TCP11L1: variants seen among roughly 807,000 people sequenced by gnomAD.
TCP11L1 encodes t-complex 11 like 1, also known as T-complex protein 11-like protein 1.
TCP11L1 carries 28 observed loss-of-function variants against 48.9 expected under a neutral mutation model. The ratio of observed to expected loss-of-function variants is 0.57; its 90% CI spans 0.42 to 0.78. The LOEUF (loss-of-function observed/expected upper bound fraction) is 0.78. Ranked by LOEUF, TCP11L1 falls within the 30% of genes least tolerant of loss-of-function variation. The pLI, the probability that TCP11L1 is intolerant of heterozygous loss-of-function variation, is 0.00. For missense variants in TCP11L1, 505 were observed against 613.4 expected, an observed-to-expected ratio of 0.82 and a Z score of 1.87; for synonymous variants, 204 against 231.9, an observed-to-expected ratio of 0.88 and a Z score of 1.09.
At chr11:33,042,519 C>T (rs771578027) in intron 1 of TCP11L1, among the ~76,000 whole-genome samples, 2 of 152,108 alleles carry the variant, frequency 1.3e-5, no homozygotes, top group Non-Finnish European at 2.9e-5. Flanking sequence ...TAATAAAAAG[C>T]CCACCCAACT....
chr11:33,065,336 T>C (rs1429982210), intron 7 of TCP11L1, among the ~76,000 whole-genome samples: 4 of 152,092 alleles, frequency 2.6e-5, no homozygotes, highest in African/African-American at 9.7e-5. Context: ...CAATCTCAGC[T>C]CACTGCAACC....
chr11:33,069,529 C>T (rs1442014786), intron 9 of TCP11L1, among the ~76,000 whole-genome samples: 1 of 152,004 alleles, frequency 6.6e-6, no homozygotes, highest in Non-Finnish European at 1.5e-5. Context: ...TTAATTAGCT[C>T]GACTTAATCA....
chr11:33,060,214 G>A (rs539211529), intron 6 of TCP11L1, among the ~76,000 whole-genome samples: 1 of 152,176 alleles, frequency 6.6e-6, no homozygotes, highest in African/African-American at 2.4e-5. Context: ...GAGTTTTGTA[G>A]CCTGAAGAGC....
At chr11:33,068,892 G>A in intron 9 of TCP11L1, 33 bp downstream of exon 9, 1 of 1,598,368 alleles carries the variant, frequency 6.3e-7, no homozygotes, top group Non-Finnish European at 8.6e-7. Context: ...GCAGGGATGT[G>A]CCCTCTGAGG....
At chr11:33,056,338 T>C (rs1449055868) in intron 3 of TCP11L1, among the ~76,000 whole-genome samples, 3 of 152,176 alleles carry the variant, frequency 2.0e-5, no homozygotes, top group Non-Finnish European at 4.4e-5. Context: ...CTTGAACTCC[T>C]GACCTCAGGT....
intron 2 of TCP11L1, among the ~76,000 whole-genome samples, chr11:33,045,747 T>G (rs1387383683): frequency 6.6e-6 from 1 of 151,828 alleles, no homozygotes; most frequent in Non-Finnish European, 1.5e-5. Context: ...AGTTTAAGAG[T>G]GCATAAAGTG....
chr11:33,043,707 T>A (rs897311463), intron 1 of TCP11L1, 43 bp from the exon 2 acceptor site: 1 of 1,521,664 alleles, frequency 6.6e-7, no homozygotes, highest in Non-Finnish European at 8.8e-7. Context: ...GTGACAGAGC[T>A]AGAATACTTT....
At chr11:33,070,016 A>C (rs1590244917) in intron 9 of TCP11L1, among the ~76,000 whole-genome samples, 1 of 152,230 alleles carries the variant, frequency 6.6e-6, no homozygotes, top group East Asian at 1.9e-4. Flanking sequence ...TGTAATAGCC[A>C]GTTACCGACA....
chr11:33,067,097 G>A (rs768410128), intron 8 of TCP11L1, among the ~76,000 whole-genome samples: 11 of 152,178 alleles, frequency 7.2e-5, no homozygotes, highest in Non-Finnish European at 1.3e-4. Context: ...GCATGTATGT[G>A]GTTGAAGTGT....
In TCP11L1 at chr11:33,058,081, G is replaced by C; in HGVS notation, c.580G>C (p.Ala194Pro). 6.2e-7 allele frequency: 1 copy of C among 1,614,134 alleles called. No homozygotes were observed. The highest frequency in any genetic ancestry group is 8.5e-7 in the Non-Finnish European group (1 of 1,180,038). The change falls in exon 5 of 10, where the codon GCT becomes CCT. Residue 194 changes from alanine (A) to proline (P), a missense_variant. Around this residue, in one of 3 missense-constraint regions of TCP11L1, gnomAD observed 335 missense variants for 413.3 expected, o/e 0.81. Coordinates refer to ENST00000334274, the MANE Select transcript of TCP11L1 (RefSeq NM_018393.4). ...CATGATGGGGACACTGTGTGCACCT[G>C]CTCGAGATGAGGAAGTTAAGAAACT... is the stretch of plus-strand genomic sequence containing the variant. ...IGMMGTLCAPARDEEVKKLKD... is the reference protein window; with the variant it reads ...IGMMGTLCAPPRDEEVKKLKD...
intron 6 of TCP11L1, 53 bp from the exon 7 acceptor site, chr11:33,061,477 A>G: frequency 1.3e-6 from 2 of 1,497,138 alleles, no homozygotes; most frequent in African/African-American, 1.4e-5. Flanking sequence ...AGTAATTCCG[A>G]GAAGCATCCC....
intron 3 of TCP11L1, among the ~76,000 whole-genome samples, chr11:33,054,928 G>T (rs1315329666): frequency 6.6e-6 from 1 of 152,234 alleles, no homozygotes; most frequent in Non-Finnish European, 1.5e-5. Context: ...CTACTCAGTA[G>T]GATCTAGCTG....
intron 2 of TCP11L1, among the ~76,000 whole-genome samples, chr11:33,048,196 T>TTTC: frequency 6.6e-6 from 1 of 151,944 alleles, no homozygotes. Context: ...TTTTTTTTTT[T>TTTC]AAGACCGGAT....
Position 33,072,769 on chromosome 11 carries a change from CAT to C in TCP11L1, c.*94_*95del. ...TGCATTGGAAAATGGCTATATAGTA[CAT>C]GTCTATTTAACAGCACCGATTCCAA... On this transcript the variant is annotated 3_prime_UTR_variant, in exon 10 of 10. Coordinates refer to ENST00000334274, the MANE Select transcript of TCP11L1 (RefSeq NM_018393.4). 8 of 1,390,130 alleles carry C rather than the reference CAT, an allele frequency of 5.8e-6. No homozygotes were observed. Among genetic ancestry groups the C allele is most frequent in the Non-Finnish European group, 8.1e-6 (8 of 990,204 alleles). 86.1% of individuals were successfully genotyped at this position (1,390,130 alleles called of 1,614,324 possible).
chr11:33,056,326 G>T (rs1334812670), intron 3 of TCP11L1, among the ~76,000 whole-genome samples: 1 of 152,106 alleles, frequency 6.6e-6, no homozygotes, highest in African/African-American at 2.4e-5. Flanking sequence ...GGCCAGGCTG[G>T]TCTTGAACTC....
In TCP11L1 at chr11:33,045,997, A is replaced by G. The variant is rs905654060; in HGVS notation, c.163+2061A>G. ...TTCTAGTTTAAGATACAATAGATCT[A>G]TGAGCCTAGGAGTGCTAGAAGCAAG... is the stretch of plus-strand genomic sequence containing the variant. On this transcript the variant is annotated intron_variant, in intron 2 of 9. Transcript: ENST00000334274. 9.8e-5 allele frequency among the ~76,000 whole-genome samples: 15 copies of G among 152,286 alleles called. No individual in the cohort carries two copies. In the East Asian group the frequency reaches 2.1e-3, roughly 21 times the overall value.
chr11:33,053,825 C>T (rs1280169848), intron 2 of TCP11L1, among the ~76,000 whole-genome samples: 1 of 152,012 alleles, frequency 6.6e-6, no homozygotes, highest in Non-Finnish European at 1.5e-5. Context: ...TAATTTTTTA[C>T]AACTTTTTAT....
rs1162192544 is a variant in TCP11L1 at position 33,072,589 on chromosome 11, T to C, written c.1443T>C (p.Ile481=). 9.9e-6 allele frequency: 16 copies of C among 1,614,046 alleles called. No individual in the cohort carries two copies. In the East Asian group the frequency reaches 2.9e-4, roughly 29 times the overall value. ...PVQRELEEVA[I]KFARLVNYNK... Reference sequence around the variant, plus strand: ...AGAGAGAGCTGGAGGAAGTTGCTATTAAATTTGCTCGCCTGGTCAACTATA... The same window carrying C: ...AGAGAGAGCTGGAGGAAGTTGCTATCAAATTTGCTCGCCTGGTCAACTATA... The change falls in exon 10 of 10, where the codon ATT becomes ATC. Residue 481 remains isoleucine, a synonymous_variant. Transcript: ENST00000334274.
chr11:33,049,675 T>C (rs1418026098), intron 2 of TCP11L1, among the ~76,000 whole-genome samples: 1 of 152,170 alleles, frequency 6.6e-6, no homozygotes, highest in East Asian at 1.9e-4. Flanking sequence ...AAGAGCAGTA[T>C]TGCCGCTAGC....
Sources: allele counts gnomAD v4.1 joint callset (sites outside exome capture counted in the v4.1 genomes callset), GRCh38; gene constraint gnomAD v4.1.1; regional missense constraint gnomAD v4.1.1; transcripts MANE v1.5; gene names NCBI Gene and HGNC (gene_info 2026-07-23, HGNC 2026-07-21).